The following MCM5 variants were observed in gnomAD, a reference collection of about 807,000 sequenced individuals.
The protein encoded by MCM5 is DNA replication licensing factor MCM5.
MCM5 carries 46 observed loss-of-function variants against 79.9 expected under a neutral mutation model. The observed-to-expected ratio is 0.58, with a 90% CI of 0.45 to 0.74. The LOEUF (loss-of-function observed/expected upper bound fraction) is 0.74. Among genes scored for constraint, MCM5 ranks in the 30% least tolerant of loss-of-function variants. The pLI, the probability that MCM5 is intolerant of heterozygous loss-of-function variation, is 0.00. For missense variants in MCM5, 883 were observed against 1,017.0 expected, an observed-to-expected ratio of 0.87 and a Z score of 1.79; for synonymous variants, 404 against 390.5, an observed-to-expected ratio of 1.03 and a Z score of -0.41.
At chr22:35,440,895 T>TA in the MCM5 span, among the ~76,000 whole-genome samples, 5 of 151,706 alleles carry the variant, frequency 3.3e-5, no homozygotes, top group African/African-American at 9.7e-5. Flanking sequence ...CCGTCTTTAC[T>TA]AAAAAAACAA....
chr22:35,435,524 A>G, the MCM5 span, among the ~76,000 whole-genome samples: 1 of 152,124 alleles, frequency 6.6e-6, no homozygotes, highest in Non-Finnish European at 1.5e-5. Flanking sequence ...CCCCGTTGCT[A>G]TGGTGACCAG....
the MCM5 span, among the ~76,000 whole-genome samples, chr22:35,445,392 G>T: frequency 2.8e-5 from 4 of 141,674 alleles, no homozygotes. Context: ...GCAGTGGCTC[G>T]ATCTCGGCTC....
chr22:35,416,827 G>A lies in MCM5; in HGVS notation c.1590+13G>A. 6.2e-7 allele frequency: 1 copy of A among 1,611,328 alleles called. No individual in the cohort carries two copies. Among genetic ancestry groups the A allele is most frequent in the East Asian group, 2.2e-5 (1 of 44,822 alleles). On this transcript the variant is annotated intron_variant, in intron 12 of 16. Transcript: ENST00000216122. ...GGAGAGGGATGTGGTACGTCCAGGG[G>A]CAGGGCTGGTGGCCATGGGACCTGC...
intron 10 of MCM5, 134 bp from the exon 11 acceptor site, chr22:35,416,205 G>C: frequency 1.0e-6 from 1 of 965,370 alleles, no homozygotes; most frequent in South Asian, 1.5e-5. Flanking sequence ...GATTAGAGGT[G>C]ACCTGGTTGC....
At chr22:35,412,999 A>C (rs1488119416) in intron 8 of MCM5, among the ~76,000 whole-genome samples, 4 of 151,632 alleles carry the variant, frequency 2.6e-5, no homozygotes, top group Non-Finnish European at 5.9e-5. Flanking sequence ...TAGCAGGGAT[A>C]TTATTAGCAG....
the MCM5 span, among the ~76,000 whole-genome samples, chr22:35,438,856 TATCCATCCATCCATCC>T: frequency 9.1e-6 from 1 of 109,492 alleles, no homozygotes; most frequent in East Asian, 3.6e-4. Context: ...TCCACCCACA[TATCCATCCATCCATCC>T]ATCCATCCAT....
chr22:35,443,565 T>C, the MCM5 span, among the ~76,000 whole-genome samples: 2 of 152,228 alleles, frequency 1.3e-5, no homozygotes, highest in Admixed American at 1.3e-4. Flanking sequence ...TGGTCTGGCC[T>C]GTGAATCTTT....
intron 16 of MCM5, chr22:35,423,933 G>A (rs978631120): frequency 4.0e-5 from 21 of 524,392 alleles, no homozygotes; most frequent in Non-Finnish European, 5.7e-5. Flanking sequence ...AGTCAGATGG[G>A]ACTTAAGTCC....
chr22:35,410,824 C>G lies in MCM5; in HGVS notation c.833C>G (p.Thr278Ser), dbSNP rs1452922907. 6.2e-7 allele frequency: 1 copy of G among 1,614,054 alleles called. No homozygotes were observed. The highest frequency in any genetic ancestry group is 8.5e-7 in the Non-Finnish European group (1 of 1,179,946). ...TCCATCAAGAAGTTTGGCCTGACTA[C>G]CAGCAGGGGCCGTGACAGGGTGGGC... ...IYSIKKFGLT[T>S]SRGRDRVGVG... Residue 278 changes from threonine to serine, a missense_variant, in exon 7 of 17, where the codon ACC becomes AGC. Thr to Ser is a moderately conservative substitution (Grantham distance 58). Around this residue, in one of 3 missense-constraint regions of MCM5, gnomAD observed 455 missense variants for 517.5 expected, o/e 0.88. Transcript: ENST00000216122.
At chr22:35,440,047 A>G in the MCM5 span, among the ~76,000 whole-genome samples, 1 of 152,204 alleles carries the variant, frequency 6.6e-6, no homozygotes, top group African/African-American at 2.4e-5. Flanking sequence ...CCTACTGTCA[A>G]TTTTCCATTT....
At chr22:35,447,200 C>T in the MCM5 span, among the ~76,000 whole-genome samples, 120,167 of 151,794 alleles carry the variant, frequency 0.79, 48,176 homozygotes, top group African/African-American at 0.88. Context: ...CGACATGAAG[C>T]TGTGTGGGAA....
chr22:35,412,567 C>T lies in MCM5; in HGVS notation c.977C>T (p.Ala326Val). The stretch of plus-strand genomic sequence containing the variant: ...GAGGAGGAGGAGTTCCGTCGCCTGG[C>T]TGCCCTCCCAAATGTCTATGAGGTC... ...PQEEEEFRRLAALPNVYEVIS... is the reference protein window; with the variant it reads ...PQEEEEFRRLVALPNVYEVIS... Residue 326 changes from alanine (A) to valine (V), a missense_variant, in exon 8 of 17, where the codon GCT (alanine) becomes GTT (valine). Physicochemically the swap from Ala to Val is moderately conservative, Grantham distance 64. Around this residue, in one of 3 missense-constraint regions of MCM5, gnomAD observed 455 missense variants for 517.5 expected, o/e 0.88. Coordinates refer to ENST00000216122, the MANE Select transcript of MCM5 (RefSeq NM_006739.4). 1 of 1,583,956 alleles carries T rather than the reference C, an allele frequency of 6.3e-7. No individual in the cohort carries two copies. Among genetic ancestry groups the T allele is most frequent in the South Asian group, 1.1e-5 (1 of 87,292 alleles).
At chr22:35,415,311 C>A (rs1010982099) in intron 9 of MCM5, among the ~76,000 whole-genome samples, 1 of 152,210 alleles carries the variant, frequency 6.6e-6, no homozygotes, top group Non-Finnish European at 1.5e-5. Context: ...TATTGAGATA[C>A]TTTACATTCT....
intron 4 of MCM5, among the ~76,000 whole-genome samples, chr22:35,405,398 A>T (rs1302576162): frequency 1.4e-5 from 2 of 142,350 alleles, no homozygotes; most frequent in East Asian, 4.3e-4. Context: ...ACGGAGTTTG[A>T]CTCTGTCGCC....
In MCM5 at chr22:35,421,395, T is replaced by G. The variant is rs1932690286; in HGVS notation, c.1910T>G (p.Val637Gly). 6.2e-7 allele frequency: 1 copy of G among 1,614,052 alleles called. No individual in the cohort carries two copies. The highest frequency in any genetic ancestry group is 1.3e-5 in the African/African-American group (1 of 74,936). ...CAGCCCTTCGCCACAGAGGCAGATG[T>G]GGAGGAGGCCCTGCGGCTCTTCCAA... ...KLQPFATEAD[V>G]EEALRLFQVS... is the part of the protein sequence containing the mutation. The change falls in exon 15 of 17, where the codon GTG (valine) becomes GGG (glycine). Residue 637 changes from valine to glycine, a missense_variant. By Grantham distance (109) the Val-to-Gly change is moderately radical (BLOSUM62 -3). Coordinates refer to ENST00000216122, the MANE Select transcript of MCM5 (RefSeq NM_006739.4).
the MCM5 span, among the ~76,000 whole-genome samples, chr22:35,435,880 G>A: frequency 6.6e-6 from 1 of 152,134 alleles, no homozygotes; most frequent in African/African-American, 2.4e-5. Context: ...AAAATGGAAG[G>A]AAATGGCCGG....
At chr22:35,451,831 C>G in the MCM5 span, among the ~76,000 whole-genome samples, 1 of 152,226 alleles carries the variant, frequency 6.6e-6, no homozygotes, top group Admixed American at 6.5e-5. Context: ...CGGGGAAGCC[C>G]TGAGGCCTGC....
chr22:35,448,803 G>T, the MCM5 span, among the ~76,000 whole-genome samples: 6 of 152,204 alleles, frequency 3.9e-5, no homozygotes, highest in Non-Finnish European at 7.3e-5. Context: ...ATCAACAGAT[G>T]GAGTGACTAG....
chr22:35,401,010 G>C (rs1431666553), intron 2 of MCM5, among the ~76,000 whole-genome samples: 32 of 152,116 alleles, frequency 2.1e-4, no homozygotes, highest in Admixed American at 2.1e-3. Flanking sequence ...AGTAGAGATG[G>C]GGTTTCGCCA....
Sources: allele counts gnomAD v4.1 joint callset (sites outside exome capture counted in the v4.1 genomes callset), GRCh38; gene constraint gnomAD v4.1.1; regional missense constraint gnomAD v4.1.1; transcripts MANE v1.5; gene names NCBI Gene and HGNC (gene_info 2026-07-23, HGNC 2026-07-21).